Variants in SCAND3 observed in about 807,000 individuals in gnomAD.
The protein encoded by SCAND3 is SCAN domain-containing protein 3.
the SCAND3 span, among the ~76,000 whole-genome samples, chr6:28,608,428 T>A: frequency 3.9e-5 from 6 of 152,070 alleles, no homozygotes; most frequent in Non-Finnish European, 5.9e-5. Context: ...ACGGGTGGTG[T>A]TGAGGCTGGT....
chr6:28,597,709 C>A, the SCAND3 span: 1 of 152,186 alleles, frequency 6.6e-6, no homozygotes, highest in Non-Finnish European at 1.5e-5. Context: ...AGGATTTGAA[C>A]CCTGGTTTGC....
the SCAND3 span, chr6:28,575,888 A>G: frequency 6.2e-7 from 1 of 1,614,028 alleles, no homozygotes; most frequent in Non-Finnish European, 8.5e-7. This position sits in a 1 kb window ranked among gnomAD's most constrained non-coding sequence, Gnocchi z 4.2. Flanking sequence ...AATCTAGCCA[A>G]GCGACGGTAG....
chr6:28,600,778 A>G, the SCAND3 span, among the ~76,000 whole-genome samples: 1 of 152,198 alleles, frequency 6.6e-6, no homozygotes, highest in Non-Finnish European at 1.5e-5. Flanking sequence ...TAGGTATTAG[A>G]TAATATTAAG....
At chr6:28,573,093 A>G in the SCAND3 span, 17 of 1,608,272 alleles carry the variant, frequency 1.1e-5, no homozygotes, top group Non-Finnish European at 1.4e-5. Context: ...AGGCTGAAAA[A>G]AAGAACTCTT....
the SCAND3 span, among the ~76,000 whole-genome samples, chr6:28,595,039 G>A: frequency 2.6e-5 from 4 of 151,476 alleles, no homozygotes; most frequent in African/African-American, 7.3e-5. Context: ...ACCTGTCCAA[G>A]TTATGAAATG....
At chr6:28,604,047 G>T in the SCAND3 span, among the ~76,000 whole-genome samples, 1 of 152,174 alleles carries the variant, frequency 6.6e-6, no homozygotes, top group Non-Finnish European at 1.5e-5. Context: ...CTTGAGACCT[G>T]CACTTAGAAG....
At chr6:28,613,951 C>T in the SCAND3 span, among the ~76,000 whole-genome samples, 28,027 of 151,706 alleles carry the variant, frequency 0.18, 2,985 homozygotes, top group East Asian at 0.45. Flanking sequence ...TTAACAATTC[C>T]ACTTTCTTTT....
chr6:28,602,174 C>T, the SCAND3 span, among the ~76,000 whole-genome samples: 3 of 152,030 alleles, frequency 2.0e-5, no homozygotes, highest in Non-Finnish European at 4.4e-5. Flanking sequence ...TCTTTTCTCA[C>T]ATATGATGAT....
chr6:28,583,901 C>T, the SCAND3 span, among the ~76,000 whole-genome samples: 1 of 152,168 alleles, frequency 6.6e-6, no homozygotes, highest in African/African-American at 2.4e-5. Flanking sequence ...CCGCATTATC[C>T]TCACTAGCAA....
At chr6:28,593,786 C>G in the SCAND3 span, 1 of 152,216 alleles carries the variant, frequency 6.6e-6, no homozygotes, top group South Asian at 2.1e-4. Flanking sequence ...GCTCACTCAG[C>G]CTCAACCTCC....
the SCAND3 span, among the ~76,000 whole-genome samples, chr6:28,588,405 C>G: frequency 1.4e-5 from 2 of 144,602 alleles, no homozygotes; most frequent in South Asian, 2.2e-4. This position sits in a 1 kb window ranked among gnomAD's most constrained non-coding sequence, Gnocchi z 4.1. Flanking sequence ...TACTGACGAG[C>G]CTTACTGTTT....
chr6:28,593,275 G>A, the SCAND3 span, among the ~76,000 whole-genome samples: 2 of 151,630 alleles, frequency 1.3e-5, no homozygotes, highest in African/African-American at 2.4e-5. Context: ...CTCAAAAGAA[G>A]ATATACAAAT....
the SCAND3 span, chr6:28,574,945 T>C: frequency 6.2e-7 from 1 of 1,613,798 alleles, no homozygotes; most frequent in Non-Finnish European, 8.5e-7. Context: ...TTCAGCCACC[T>C]TAGGAGTGAC....
the SCAND3 span, chr6:28,571,767 G>C: frequency 6.3e-6 from 6 of 952,114 alleles, no homozygotes; most frequent in African/African-American, 6.8e-5. Flanking sequence ...AATTTATATA[G>C]AAAATTGCTG....
the SCAND3 span, among the ~76,000 whole-genome samples, chr6:28,577,042 T>C: frequency 6.6e-6 from 1 of 152,174 alleles, no homozygotes; most frequent in East Asian, 1.9e-4. Flanking sequence ...AGTTCCAACC[T>C]AATATATTCA....
the SCAND3 span, among the ~76,000 whole-genome samples, chr6:28,589,070 A>G: frequency 6.6e-6 from 1 of 152,198 alleles, no homozygotes; most frequent in South Asian, 2.1e-4. Context: ...CCATAATTTT[A>G]TGTTGATAAC....
chr6:28,583,064 A>AG, the SCAND3 span, among the ~76,000 whole-genome samples: 9 of 152,096 alleles, frequency 5.9e-5, no homozygotes, highest in East Asian at 1.9e-4. Flanking sequence ...GTGTGAGGAA[A>AG]GGGGGGGCAA....
chr6:28,579,683 G>A, the SCAND3 span, among the ~76,000 whole-genome samples: 3 of 152,170 alleles, frequency 2.0e-5, no homozygotes, highest in Non-Finnish European at 2.9e-5. The surrounding 1 kb of genome is among the most constrained non-coding windows in gnomAD (Gnocchi z 4.5). Context: ...ATGAAAGCAC[G>A]TTAAAGAAAT....
At chr6:28,612,358 C>T in the SCAND3 span, among the ~76,000 whole-genome samples, 2 of 152,066 alleles carry the variant, frequency 1.3e-5, no homozygotes, top group Non-Finnish European at 2.9e-5. Flanking sequence ...TTTTTAAGAA[C>T]ACTCTGTGAA....
Sources: gnomAD v4.1 joint callset for allele counts (sites outside exome capture counted in the v4.1 genomes callset) on GRCh38, gnomAD v4.1.1 for gene constraint, Gnocchi (gnomAD v3.1) non-coding constraint, MANE v1.5 for transcripts, NCBI Gene and HGNC (gene_info 2026-07-23, HGNC 2026-07-21) for gene names.